ST8SIA1: variants seen among roughly 807,000 people sequenced by gnomAD.
ST8SIA1 encodes alpha-N-acetylneuraminide alpha-2,8-sialyltransferase.
A neutral mutation model predicts 35.9 loss-of-function variants in ST8SIA1; 16 were observed. The observed-to-expected ratio is 0.45, with a 90% CI of 0.30 to 0.68. ST8SIA1 has a LOEUF of 0.68. Among genes scored for constraint, ST8SIA1 ranks in the 30% least tolerant of loss-of-function variants. The probability of loss-of-function intolerance (pLI) is 0.09; values close to 1 mark genes in which losing one functional copy is unlikely to be tolerated. For missense variants in ST8SIA1, 383 were observed against 453.6 expected, an observed-to-expected ratio of 0.84 and a Z score of 1.41; for synonymous variants, 170 against 169.6, an observed-to-expected ratio of 1.00 and a Z score of -0.02.
In ST8SIA1 at chr12:22,334,044, T is replaced by C. The variant is rs146420845; in HGVS notation, c.189A>G (p.Gln63=). ...NEKEIVQGVL[Q]QGTAWRRNQT... is the part of the protein sequence containing the mutation. ...GGTTCCTCCTCCACGCCGTGCCCTG[T>C]TGCAGCACCCCCTGCACGATCTCTT... The change falls in exon 1 of 5, where the codon CAA becomes CAG. Residue 63 remains glutamine, a synonymous_variant. Transcript: ENST00000396037. The C allele has an allele frequency of 6.2e-7, 1 of 1,613,776 alleles. No homozygotes were observed. Among genetic ancestry groups the C allele is most frequent in the Non-Finnish European group, 8.5e-7 (1 of 1,180,020 alleles).
chr12:22,211,914 T>A, intron 4 of ST8SIA1, among the ~76,000 whole-genome samples: 1 of 152,140 alleles, frequency 6.6e-6, no homozygotes, highest in East Asian at 1.9e-4. Flanking sequence ...TTTCGCCAAG[T>A]TGGCCAGGCT....
chr12:22,312,091 A>G (rs1866456392), intron 1 of ST8SIA1, among the ~76,000 whole-genome samples: 1 of 152,118 alleles, frequency 6.6e-6, no homozygotes, highest in Admixed American at 6.6e-5. Flanking sequence ...CATAAATTCT[A>G]GTGTGTTGCC....
chr12:22,318,302 C>CT (rs1369117817), intron 1 of ST8SIA1, among the ~76,000 whole-genome samples: 1 of 152,156 alleles, frequency 6.6e-6, no homozygotes, highest in East Asian at 1.9e-4. Context: ...AATCACTTCC[C>CT]TTTTTGGGTG....
chr12:22,211,792 A>G (rs1865178616), intron 4 of ST8SIA1, among the ~76,000 whole-genome samples: 1 of 152,078 alleles, frequency 6.6e-6, no homozygotes, highest in Admixed American at 6.5e-5. Flanking sequence ...GTTCACTGCA[A>G]CCTCCACCTC....
chr12:22,296,257 G>C (rs139371815), intron 1 of ST8SIA1, among the ~76,000 whole-genome samples: 4 of 152,274 alleles, frequency 2.6e-5, no homozygotes, highest in Admixed American at 2.6e-4. Flanking sequence ...CTTACTCTAA[G>C]TGAAAAGGAG....
At chr12:22,270,919 C>G (rs545701649) in intron 2 of ST8SIA1, among the ~76,000 whole-genome samples, 46 of 152,284 alleles carry the variant, frequency 3.0e-4, no homozygotes, top group African/African-American at 1.1e-3. Context: ...GTCACAGATT[C>G]ATAATTAGTA....
rs947616317 is a variant in ST8SIA1, at chr12:22,197,452, C to T, written c.*4100G>A. 1.3e-5 allele frequency: 2 copies of T among 152,172 alleles called. No homozygotes were observed. Among genetic ancestry groups the T allele is most frequent in the Non-Finnish European group, 2.9e-5 (2 of 68,022 alleles). The allele number at this position is 152,172 out of a possible 1,614,324, so 9.4% of individuals were successfully genotyped here. ...AAGTATTTGTCAGTGAAAAATTTCACAAAGTCAATATTTCAACCACAGAAG... is the reference window on the plus strand; with the variant it reads ...AAGTATTTGTCAGTGAAAAATTTCATAAAGTCAATATTTCAACCACAGAAG... On this transcript the variant is annotated 3_prime_UTR_variant, in exon 5 of 5. Transcript: ENST00000396037.
At chr12:22,330,185 A>G (rs185477045) in intron 1 of ST8SIA1, among the ~76,000 whole-genome samples, 5 of 152,090 alleles carry the variant, frequency 3.3e-5, no homozygotes, top group African/African-American at 1.2e-4. Context: ...TTGGAGGCTT[A>G]CTCCAAACAC....
chr12:22,325,357 G>C, intron 1 of ST8SIA1: 1 of 687,728 alleles, frequency 1.5e-6, no homozygotes, highest in Non-Finnish European at 2.6e-6. Context: ...CTGAAAAATG[G>C]AGAATGTGTG....
intron 2 of ST8SIA1, among the ~76,000 whole-genome samples, chr12:22,262,613 G>C (rs1212502343): frequency 2.0e-5 from 3 of 152,206 alleles, no homozygotes; most frequent in Non-Finnish European, 4.4e-5. Context: ...AGTCTGAGCT[G>C]GTCTGGGAGG....
At chr12:22,313,752 T>C (rs116403383) in intron 1 of ST8SIA1, among the ~76,000 whole-genome samples, 1,639 of 152,316 alleles carry the variant, frequency 0.011, 35 homozygotes, top group African/African-American at 0.038. Context: ...ATGCCAGGAA[T>C]GTCTATGGAG....
At position 22,334,063 on chromosome 12, in the gene ST8SIA1, A is replaced by C; in HGVS notation, c.170T>G (p.Ile57Ser). Residue 57 changes from isoleucine to serine, a missense_variant, in exon 1 of 5, where the codon ATC becomes AGC. Physicochemically the swap from Ile to Ser is moderately radical, Grantham distance 142 (BLOSUM62 -2). Transcript: ENST00000396037. ...PVYRLPNEKE[I>S]VQGVLQQGTA... Reference sequence around the variant, plus strand: ...GCCCTGTTGCAGCACCCCCTGCACGATCTCTTTCTCGTTGGGCAGCCGGTA... The same window carrying C: ...GCCCTGTTGCAGCACCCCCTGCACGCTCTCTTTCTCGTTGGGCAGCCGGTA... The C allele has an allele frequency of 6.2e-7, 1 of 1,613,368 alleles. No individual in the cohort carries two copies. Among genetic ancestry groups the C allele is most frequent in the Non-Finnish European group, 8.5e-7 (1 of 1,179,890 alleles).
At chr12:22,296,978 ACG>A (rs1166649321) in intron 1 of ST8SIA1, among the ~76,000 whole-genome samples, 2 of 152,200 alleles carry the variant, frequency 1.3e-5, no homozygotes, top group African/African-American at 4.8e-5. Flanking sequence ...TCTCGAATAT[ACG>A]TGTTTACACA....
chr12:22,196,431 T>A lies in ST8SIA1; in HGVS notation c.*5121A>T, dbSNP rs1338120114. ...TCAAAAGACAAGTCTGGGCTGAGGG[T>A]AAAGCAGATGGTATCCATTTTCTTA... On this transcript the variant is annotated 3_prime_UTR_variant, in exon 5 of 5. Transcript: ENST00000396037. 2.6e-5 allele frequency: 4 copies of A among 152,076 alleles called. No homozygotes were observed. The highest frequency in any genetic ancestry group is 6.5e-5 in the Admixed American group (1 of 15,272). The allele number at this position is 152,076 out of a possible 1,614,324, so 9.4% of individuals were successfully genotyped here. A position where few individuals can be genotyped will look rare whatever the true frequency, so the allele number is the denominator to read the frequency against.
At chr12:22,331,057 C>A (rs73089238) in intron 1 of ST8SIA1, among the ~76,000 whole-genome samples, 1 of 152,156 alleles carries the variant, frequency 6.6e-6, no homozygotes, top group South Asian at 2.1e-4. Context: ...CCATCTCCTT[C>A]GCAGTTTGAC....
chr12:22,243,850 G>T (rs1865568577), intron 4 of ST8SIA1, among the ~76,000 whole-genome samples: 2 of 152,242 alleles, frequency 1.3e-5, no homozygotes, highest in Admixed American at 1.3e-4. Context: ...TTGCCAACAT[G>T]GTGAAACCCC....
intron 1 of ST8SIA1, 45 bp from the exon 2 acceptor site, chr12:22,287,338 G>A (rs1866112913): frequency 8.2e-6 from 13 of 1,586,870 alleles, no homozygotes; most frequent in East Asian, 2.2e-5. Context: ...CAGGTTAAAT[G>A]AGGAGCAGAT....
rs576206356 is a variant in ST8SIA1 at position 22,198,211 on chromosome 12, T to C, written c.*3341A>G. 6.6e-6 allele frequency: 1 copy of C among 152,168 alleles called. No homozygotes were observed. Among genetic ancestry groups the C allele is most frequent in the African/African-American group, 2.4e-5 (1 of 41,510 alleles). The allele number at this position is 152,168 out of a possible 1,614,324, so 9.4% of individuals were successfully genotyped here. A position where few individuals can be genotyped will look rare whatever the true frequency, so the allele number is the denominator to read the frequency against. On this transcript the variant is annotated 3_prime_UTR_variant, in exon 5 of 5. Coordinates refer to ENST00000396037, the MANE Select transcript of ST8SIA1 (RefSeq NM_003034.4). ...ACTACACAACAATTTTTTTAATTAG[T>C]CTGATGGTACAAAGTGATGCCCCCT...
rs1292848631 is a variant in ST8SIA1, at chr12:22,196,104, A to G, written c.*5448T>C. 6.6e-6 allele frequency: 1 copy of G among 152,242 alleles called. No individual in the cohort carries two copies. Among genetic ancestry groups the G allele is most frequent in the Non-Finnish European group, 1.5e-5 (1 of 68,046 alleles). 9.4% of individuals were successfully genotyped at this position (152,242 alleles called of 1,614,324 possible). The stretch of plus-strand genomic sequence containing the variant: ...GCACAATATAGAGATCAATAGAAAC[A>G]CAGAGGAGTGACCATAAAATATAAT... On this transcript the variant is annotated 3_prime_UTR_variant, in exon 5 of 5. Transcript: ENST00000396037.
Sources: allele counts gnomAD v4.1 joint callset (sites outside exome capture counted in the v4.1 genomes callset), GRCh38; gene constraint gnomAD v4.1.1; transcripts MANE v1.5; gene names NCBI Gene and HGNC (gene_info 2026-07-23, HGNC 2026-07-21).